KASH5: variants seen among roughly 807,000 people sequenced by gnomAD.
The protein encoded by KASH5 is KASH domain containing 5.
KASH5 carries 72 observed loss-of-function variants against 84.2 expected under a neutral mutation model. The observed-to-expected ratio is 0.85, with a 90% CI of 0.71 to 1.04. The LOEUF (loss-of-function observed/expected upper bound fraction) is 1.04, where lower values mean the gene tolerates loss of function less well. KASH5 is among the 50% of genes least tolerant of loss of function. KASH5 has a pLI of 0.00. For synonymous variants in KASH5, 260 were observed against 279.1 expected (o/e 0.93, Z 0.68); for missense variants, 650 against 701.0 (o/e 0.93, Z 0.82).
Position 49,414,714 on chromosome 19 carries a change from C to T in KASH5, c.1329-237C>T, listed in dbSNP as rs1265751340. Among the ~76,000 whole-genome samples, 1 of 146,542 alleles carries T rather than the reference C, an allele frequency of 6.8e-6. No individual in the cohort carries two copies. The highest frequency in any genetic ancestry group is 2.6e-5 in the African/African-American group (1 of 37,898). On this transcript the variant is annotated intron_variant, in intron 16 of 19. Transcript: ENST00000447857. This position sits in a 1 kb window ranked among gnomAD's most constrained non-coding sequence, Gnocchi z 4.5. ...CGTGCTGCCTGGCCTCCCCCAGGCC[C>T]GTCCGTGCTGCCTGGCCTCCCCCAG...
intron 15 of KASH5, among the ~76,000 whole-genome samples, chr19:49,411,329 G>A (rs1974702740): frequency 6.6e-6 from 1 of 151,990 alleles, no homozygotes; most frequent in Non-Finnish European, 1.5e-5. Flanking sequence ...CCACTTCAAA[G>A]CTCTTTGCCA....
At chr19:49,404,632 C>A (rs1475776390) in intron 9 of KASH5, among the ~76,000 whole-genome samples, 1 of 152,182 alleles carries the variant, frequency 6.6e-6, no homozygotes. Flanking sequence ...AGGGCTGTGT[C>A]TGGCTCACAT....
intron 1 of KASH5, among the ~76,000 whole-genome samples, chr19:49,388,765 T>C (rs905823438): frequency 1.3e-5 from 2 of 151,812 alleles, no homozygotes; most frequent in African/African-American, 4.8e-5. Flanking sequence ...AATCTTATAG[T>C]TGACCCCCGA....
chr19:49,392,470 A>T (rs1041188604), intron 2 of KASH5, among the ~76,000 whole-genome samples: 5 of 152,176 alleles, frequency 3.3e-5, no homozygotes, highest in African/African-American at 1.2e-4. Context: ...GAATCCTGGG[A>T]TGCGACTTCA....
chr19:49,406,146 A>G (rs113308705), intron 9 of KASH5, among the ~76,000 whole-genome samples: 75 of 151,168 alleles, frequency 5.0e-4, no homozygotes, highest in African/African-American at 1.8e-3. Flanking sequence ...AAAAAAAAAA[A>G]TCTGGAGGAG....
Position 49,399,225 on chromosome 19 carries a change from A to G in KASH5, c.747+83A>G. 1 of 1,223,534 alleles carries G rather than the reference A, an allele frequency of 8.2e-7. No individual in the cohort carries two copies. Among genetic ancestry groups the G allele is most frequent in the Non-Finnish European group, 1.1e-6 (1 of 877,734 alleles). 75.8% of individuals were successfully genotyped at this position (1,223,534 alleles called of 1,614,324 possible). On this transcript the variant is annotated intron_variant, in intron 8 of 19. Coordinates refer to ENST00000447857, the MANE Select transcript of KASH5 (RefSeq NM_144688.5). This position sits in a 1 kb window ranked among gnomAD's most constrained non-coding sequence, Gnocchi z 4.4. The stretch of plus-strand genomic sequence containing the variant: ...GGGCGGCAGAGTGTGACTATGGAGT[A>G]GGAAGGGGCAGAGGTCACCTGGCTT...
chr19:49,407,089 C>A, intron 10 of KASH5, 126 bp downstream of exon 10: 3 of 1,270,040 alleles, frequency 2.4e-6, no homozygotes, highest in Non-Finnish European at 3.3e-6. Flanking sequence ...CTCCCAGGAC[C>A]ACCCAGGCAT....
chr19:49,405,272 C>G (rs918250027), intron 9 of KASH5, among the ~76,000 whole-genome samples: 1 of 151,806 alleles, frequency 6.6e-6, no homozygotes, highest in Non-Finnish European at 1.5e-5. Flanking sequence ...CCCTGGCCAG[C>G]GTGGTGAAAC....
In KASH5 at chr19:49,395,673, C is replaced by G. The variant is rs564003299; in HGVS notation, c.336-96C>G. 12 of 1,279,718 alleles carry G rather than the reference C, an allele frequency of 9.4e-6. No individual in the cohort carries two copies. Among genetic ancestry groups the G allele is most frequent in the African/African-American group, 2.9e-5 (2 of 67,882 alleles). The allele number at this position is 1,279,718 out of a possible 1,614,324, so 79.3% of individuals were successfully genotyped here. A position where few individuals can be genotyped will look rare whatever the true frequency, so the allele number is the denominator to read the frequency against. ...CTGTGGTGCCAGCTCTCACCTGACC[C>G]GGTCCCCTCCTCCCACCTGCAATCC... On this transcript the variant is annotated intron_variant, in intron 4 of 19. Coordinates refer to ENST00000447857, the MANE Select transcript of KASH5 (RefSeq NM_144688.5). The surrounding 1 kb of genome is among the most constrained non-coding windows in gnomAD (Gnocchi z 4.4).
At chr19:49,404,085 C>T (rs551279464) in intron 9 of KASH5, among the ~76,000 whole-genome samples, 48 of 152,328 alleles carry the variant, frequency 3.2e-4, no homozygotes, top group African/African-American at 1.1e-3. Context: ...AAATCCCTAC[C>T]AGGTGGACAG....
Position 49,401,398 on chromosome 19 carries a change from T to C in KASH5, c.798+1891T>C, listed in dbSNP as rs1186023743. ...AGTCCCTGTCCGTCACTCATTTCCC[T>C]GAAGGATCCCAAACCCCACCCAGGC... On this transcript the variant is annotated intron_variant, in intron 9 of 19. Transcript: ENST00000447857. 2.0e-5 allele frequency among the ~76,000 whole-genome samples: 3 copies of C among 152,220 alleles called. No individual in the cohort carries two copies. In the East Asian group the frequency reaches 5.8e-4, roughly 29 times the overall value.
intron 15 of KASH5, among the ~76,000 whole-genome samples, chr19:49,410,609 C>T (rs1472152944): frequency 6.6e-6 from 1 of 152,108 alleles, no homozygotes; most frequent in Non-Finnish European, 1.5e-5. Flanking sequence ...CTCAGCCTCC[C>T]AAGCAGCTGG....
chr19:49,397,530 A>G lies in KASH5; in HGVS notation c.401-121A>G, dbSNP rs1974219515. On this transcript the variant is annotated intron_variant, in intron 5 of 19. Coordinates refer to ENST00000447857, the MANE Select transcript of KASH5 (RefSeq NM_144688.5). ...GGTATAACTGCAGCCCCAAAAGCCC[A>G]TGAGATTCTCCAGAGCACAGGTGAG... The G allele has an allele frequency of 2.6e-5, 22 of 844,600 alleles. No homozygotes were observed. In the South Asian group the frequency reaches 2.8e-4, roughly 11 times the overall value. The allele number at this position is 844,600 out of a possible 1,614,324, so 52.3% of individuals were successfully genotyped here. A position where few individuals can be genotyped will look rare whatever the true frequency, so the allele number is the denominator to read the frequency against.
Position 49,416,889 on chromosome 19 carries a change from G to A in KASH5, c.1375-126G>A, listed in dbSNP as rs1974922234. 2.2e-6 allele frequency: 2 copies of A among 926,454 alleles called. No individual in the cohort carries two copies. Among genetic ancestry groups the A allele is most frequent in the Non-Finnish European group, 3.4e-6 (2 of 592,310 alleles). The allele number at this position is 926,454 out of a possible 1,614,324, so 57.4% of individuals were successfully genotyped here. On this transcript the variant is annotated intron_variant, in intron 17 of 19. Coordinates refer to ENST00000447857, the MANE Select transcript of KASH5 (RefSeq NM_144688.5). The surrounding 1 kb of genome is among the most constrained non-coding windows in gnomAD (Gnocchi z 5.4). The stretch of plus-strand genomic sequence containing the variant: ...GAAATGGGAACCCGACCTGGCAGCA[G>A]AAGTGCACTCACTTATCTCCTGAGC...
intron 2 of KASH5, among the ~76,000 whole-genome samples, chr19:49,394,173 A>C (rs888016863): frequency 6.6e-6 from 1 of 152,026 alleles, no homozygotes; most frequent in Non-Finnish European, 1.5e-5. Context: ...CCAGCCTGGG[A>C]GGCTGGAGAG....
chr19:49,415,008 C>G lies in KASH5; in HGVS notation c.1374+12C>G. On this transcript the variant is annotated intron_variant, in intron 17 of 19. Transcript: ENST00000447857. The stretch of plus-strand genomic sequence containing the variant: ...AGAGCCAGGTCACGGTAGGCAGTCC[C>G]CAGCACCCCTCCCCAGTCCCCATCC... The G allele has an allele frequency of 2.5e-6, 4 of 1,610,310 alleles. No individual in the cohort carries two copies. Among genetic ancestry groups the G allele is most frequent in the Non-Finnish European group, 3.4e-6 (4 of 1,178,424 alleles).
chr19:49,401,749 T>A (rs959441944), intron 9 of KASH5, among the ~76,000 whole-genome samples: 2 of 152,216 alleles, frequency 1.3e-5, no homozygotes, highest in East Asian at 3.8e-4. Context: ...AGACAGATCA[T>A]GTATTCCCAA....
Position 49,414,709 on chromosome 19 carries a change from AGGCCCG to A in KASH5, c.1329-241_1329-236del, listed in dbSNP as rs1568625086. ...CCGTCCGTGCTGCCTGGCCTCCCCC[AGGCCCG>A]TCCGTGCTGCCTGGCCTCCCCCAGG... On this transcript the variant is annotated intron_variant, in intron 16 of 19. Coordinates refer to ENST00000447857, the MANE Select transcript of KASH5 (RefSeq NM_144688.5). This position sits in a 1 kb window ranked among gnomAD's most constrained non-coding sequence, Gnocchi z 4.5. Among the ~76,000 whole-genome samples, 1,469 of 150,296 alleles carry A rather than the reference AGGCCCG, an allele frequency of 9.8e-3. 108 individuals carry two copies. The highest frequency in any genetic ancestry group is 0.032 in the African/African-American group (1,299 of 40,726).
rs769823017 is a variant in KASH5 at position 49,398,042 on chromosome 19, G to A, written c.528G>A (p.Leu176=). The A allele has an allele frequency of 2.5e-6, 4 of 1,613,940 alleles. No individual in the cohort carries two copies. Among genetic ancestry groups the A allele is most frequent in the Non-Finnish European group, 3.4e-6 (4 of 1,179,854 alleles). The part of the protein sequence containing the change: ...LEDLELSNRR[L]VGENAKLQRS... The stretch of plus-strand genomic sequence containing the variant: ...ACCTGGAGCTCAGCAACCGACGTCT[G>A]GTTGGGGAGAATGCCAAATTGCAGC... Residue 176 remains leucine (L), a synonymous_variant, in exon 7 of 20, where the codon CTG becomes CTA. Transcript: ENST00000447857.
Sources: allele counts gnomAD v4.1 joint callset (sites outside exome capture counted in the v4.1 genomes callset), GRCh38; gene constraint gnomAD v4.1.1; non-coding constraint Gnocchi (gnomAD v3.1); transcripts MANE v1.5; gene names NCBI Gene and HGNC (gene_info 2026-07-23, HGNC 2026-07-21).